The following DNAH5 variants were observed in gnomAD, a reference collection of about 807,000 sequenced individuals.
The protein encoded by DNAH5 is dynein axonemal heavy chain 5, also known as axonemal beta dynein heavy chain 5.
A neutral mutation model predicts 518.2 loss-of-function variants in DNAH5; 372 were observed. The ratio of observed to expected loss-of-function variants is 0.72; its 90% CI spans 0.66 to 0.78. DNAH5 has a LOEUF of 0.78. Ranked by LOEUF, DNAH5 falls within the 30% of genes least tolerant of loss-of-function variation. DNAH5 has a pLI of 0.00. For missense variants in DNAH5, 5,523 were observed against 5,687.0 expected (o/e 0.97, Z 0.93); for synonymous variants, 2,039 against 2,025.9 (o/e 1.01, Z -0.17).
At chr5:13,768,111 G>A (rs74873887) in intron 58 of DNAH5, among the ~76,000 whole-genome samples, 3,680 of 152,218 alleles carry the variant, frequency 0.024, 136 homozygotes, top group African/African-American at 0.083. Flanking sequence ...TTGGTGTATT[G>A]CCACATAGTT....
At chr5:13,836,045 A>G (rs1195870298) in intron 35 of DNAH5, among the ~76,000 whole-genome samples, 1 of 152,094 alleles carries the variant, frequency 6.6e-6, no homozygotes, top group South Asian at 2.1e-4. Context: ...GGAGTGTTGG[A>G]TTGCCCATTT....
intron 60 of DNAH5, 69 bp from the exon 61 acceptor site, chr5:13,759,052 G>C (rs58793965): frequency 3.1e-5 from 49 of 1,589,530 alleles, no homozygotes; most frequent in African/African-American, 7.3e-5. Context: ...TTCAGGGTCT[G>C]AGAACTCAGC....
intron 1 of DNAH5, among the ~76,000 whole-genome samples, chr5:13,940,686 A>T (rs1368649709): frequency 1.3e-5 from 2 of 152,160 alleles, no homozygotes; most frequent in Non-Finnish European, 2.9e-5. Context: ...CAAGGAAGTC[A>T]TTTTACAAAT....
At chr5:13,804,018 A>T (rs1759174063) in intron 47 of DNAH5, among the ~76,000 whole-genome samples, 1 of 152,042 alleles carries the variant, frequency 6.6e-6, no homozygotes, top group Non-Finnish European at 1.5e-5. Flanking sequence ...AAATTATCTT[A>T]ATTTTTGCTT....
Position 13,700,699 on chromosome 5 carries a change from G to A in DNAH5, c.13664C>T (p.Ser4555Leu), listed in dbSNP as rs767103687. 3.7e-6 allele frequency: 6 copies of A among 1,614,136 alleles called. No individual in the cohort carries two copies. The highest frequency in any genetic ancestry group is 3.3e-5 in the South Asian group (3 of 91,086). The change falls in exon 78 of 79, where the codon TCA (serine) becomes TTA (leucine). Residue 4555 changes from serine (S) to leucine (L), a missense_variant. Transcript: ENST00000265104. ...CAACTCAAAGAGCACTTTTGGCTTT[G>A]ATTCAATGAGTTTCATGTTCCTCTT... is the stretch of plus-strand genomic sequence containing the variant. ...WDKRNMKLIESKPKVLFELMP... is the reference protein window; with the variant it reads ...WDKRNMKLIELKPKVLFELMP...
intron 38 of DNAH5, among the ~76,000 whole-genome samples, chr5:13,826,312 G>A (rs1762882737): frequency 6.6e-6 from 1 of 152,180 alleles, no homozygotes; most frequent in Non-Finnish European, 1.5e-5. Flanking sequence ...GATGTGGGAA[G>A]TTTTCTCCAT....
chr5:13,844,785 T>C, intron 32 of DNAH5, 52 bp downstream of exon 32: 2 of 1,611,622 alleles, frequency 1.2e-6, no homozygotes, highest in Admixed American at 1.7e-5. Context: ...TTAAAGACAG[T>C]TGAGGTTCGA....
chr5:13,825,247 G>C (rs894967335), intron 38 of DNAH5, among the ~76,000 whole-genome samples: 6 of 152,072 alleles, frequency 3.9e-5, no homozygotes, highest in Admixed American at 2.6e-4. Flanking sequence ...AGGAGGCTGA[G>C]GCATGAGAAT....
chr5:13,935,467 T>C (rs1385110565), intron 1 of DNAH5, among the ~76,000 whole-genome samples: 6 of 152,220 alleles, frequency 3.9e-5, no homozygotes, highest in African/African-American at 1.2e-4. Flanking sequence ...AGAAGTTATT[T>C]AATATATTTA....
At chr5:14,008,809 C>A (rs1012175607) in intron 1 of DNAH5, among the ~76,000 whole-genome samples, 1 of 152,228 alleles carries the variant, frequency 6.6e-6, no homozygotes, top group African/African-American at 2.4e-5. Context: ...GCCCAGGTAT[C>A]TGTAATACCA....
At chr5:13,885,325 CAATTAAAGGATA>C in intron 18 of DNAH5, 97 bp from the exon 19 acceptor site, 1 of 1,424,966 alleles carries the variant, frequency 7.0e-7, no homozygotes, top group East Asian at 2.3e-5. Flanking sequence ...TCATCTGTTG[CAATTAAAGGATA>C]AATTACATGC....
At chr5:13,903,152 CAG>C (rs1376324246) in intron 12 of DNAH5, among the ~76,000 whole-genome samples, 1 of 151,992 alleles carries the variant, frequency 6.6e-6, no homozygotes. Context: ...CAAGAACACT[CAG>C]ATTTTTAAAA....
intron 47 of DNAH5, among the ~76,000 whole-genome samples, chr5:13,802,171 G>A (rs1049443056): frequency 1.3e-5 from 2 of 152,172 alleles, no homozygotes; most frequent in African/African-American, 4.8e-5. Flanking sequence ...ATCGTAGTCA[G>A]CATGACAGCA....
In DNAH5 at chr5:13,752,185, T is replaced by C. The variant is rs2126694781; in HGVS notation, c.10977A>G (p.Ala3659=). The C allele has an allele frequency of 1.2e-6, 2 of 1,614,054 alleles. No individual in the cohort carries two copies. The highest frequency in any genetic ancestry group is 1.7e-6 in the Non-Finnish European group (2 of 1,179,952). ...AGTTTCTTTCCAAAACATTATCTAG[T>C]GCTGGATCTAGTTCCTCTCCAACAT... ...IEDVGEELDP[A]LDNVLERNFI... is the part of the protein sequence containing the mutation. Residue 3659 remains alanine (A), a synonymous_variant, in exon 64 of 79, where the codon GCA becomes GCG. Transcript: ENST00000265104.
intron 22 of DNAH5, among the ~76,000 whole-genome samples, chr5:13,875,351 C>T (rs562682502): frequency 3.1e-4 from 47 of 151,276 alleles, no homozygotes; most frequent in African/African-American, 1.1e-3. Context: ...CCTCTAATCC[C>T]AGCTACTCAG....
rs1189762101 is a variant in DNAH5, at chr5:13,867,865, A to C, written c.3962T>G (p.Val1321Gly). The C allele has an allele frequency of 1.2e-5, 20 of 1,613,984 alleles. No homozygotes were observed. Among genetic ancestry groups the C allele is most frequent in the Non-Finnish European group, 1.7e-5 (20 of 1,179,980 alleles). ...TTTCTTGAAACTGGGCTGCAGTGAG[A>C]CTAATTTATTCTGGACTTCGCCAGC... ...ARAGEVQNKL[V>G]SLQPSFKKEL... is the part of the protein sequence containing the mutation. The change falls in exon 25 of 79, where the codon GTC becomes GGC. Residue 1321 changes from valine to glycine, a missense_variant. Physicochemically the swap from Val to Gly is moderately radical, Grantham distance 109. This residue lies in a region of DNAH5 where 5,121 missense variants were observed against 5,223.3 expected (regional missense o/e 0.98). Coordinates refer to ENST00000265104, the MANE Select transcript of DNAH5 (RefSeq NM_001369.3).
chr5:13,813,242 G>A (rs1368843231), intron 43 of DNAH5, among the ~76,000 whole-genome samples: 1 of 152,164 alleles, frequency 6.6e-6, no homozygotes, highest in East Asian at 1.9e-4. Context: ...TTCAGTCTCA[G>A]TATGGACAGA....
At position 13,814,859 on chromosome 5, in the gene DNAH5, A is replaced by G. The variant is rs112344370; in HGVS notation, c.6989-13T>C. ...CAGATATGTTCCCCTAGAATACCCC[A>G]CCAAAGGGAAAAAAAAAATACATAC... On this transcript the variant is annotated splice_polypyrimidine_tract_variant and intron_variant, in intron 42 of 78. Transcript: ENST00000265104. 2.7e-3 allele frequency: 4,343 copies of G among 1,611,918 alleles called. 131 individuals carry two copies. The African/African-American group carries it at 0.051, about 19-fold the overall frequency.
chr5:13,901,139 T>C, intron 14 of DNAH5, 113 bp downstream of exon 14: 1 of 1,099,852 alleles, frequency 9.1e-7, no homozygotes, highest in South Asian at 1.3e-5. Flanking sequence ...TCAACCCATC[T>C]GCCTTACAAA....
Sources: gnomAD v4.1 joint callset for allele counts (sites outside exome capture counted in the v4.1 genomes callset) on GRCh38, gnomAD v4.1.1 for gene constraint, gnomAD v4.1.1 regional missense constraint, MANE v1.5 for transcripts, NCBI Gene and HGNC (gene_info 2026-07-23, HGNC 2026-07-21) for gene names.